The following EML6 variants were observed in gnomAD, a reference collection of about 807,000 sequenced individuals.
The protein encoded by EML6 is EMAP like 6.
A neutral mutation model predicts 240.1 loss-of-function variants in EML6; 154 were observed. That is an observed-to-expected ratio of 0.64 (90% confidence interval 0.56 to 0.73). The LOEUF is 0.73. Among genes scored for constraint, EML6 ranks in the 30% least tolerant of loss-of-function variants. The pLI is 0.00. For missense variants in EML6, 2,964 were observed against 2,474.6 expected (o/e 1.20, Z -4.20); for synonymous variants, 1,148 against 899.0 (o/e 1.28, Z -4.95).
chr2:54,832,005 G>T (rs1668892879), intron 7 of EML6, among the ~76,000 whole-genome samples: 1 of 152,010 alleles, frequency 6.6e-6, no homozygotes, highest in African/African-American at 2.4e-5. Context: ...AATATGCTGG[G>T]GTTTAATTTT....
chr2:54,871,004 T>C (rs1027312229), intron 15 of EML6, among the ~76,000 whole-genome samples: 5 of 152,226 alleles, frequency 3.3e-5, no homozygotes, highest in African/African-American at 1.2e-4. Context: ...CCTGCAAAGA[T>C]AATCCACCTT....
rs755907861 is a variant in EML6 at position 54,871,658 on chromosome 2, C to CAG, written c.2344+60_2344+61dup. On this transcript the variant is annotated intron_variant, in intron 16 of 41. Transcript: ENST00000356458. ...TTCTACGTTGAGAGAGAGAGAGACA[C>CAG]AGAGAGAGTATGCCCCGCGCATGCG... The CAG allele has an allele frequency of 2.6e-5, 34 of 1,291,450 alleles. No individual in the cohort carries two copies. In the East Asian group the frequency reaches 8.1e-4, roughly 31 times the overall value. The allele number at this position is 1,291,450 out of a possible 1,614,324, so 80.0% of individuals were successfully genotyped here.
At chr2:54,959,536 C>A (rs549968536) in intron 34 of EML6, among the ~76,000 whole-genome samples, 8 of 152,162 alleles carry the variant, frequency 5.3e-5, no homozygotes, top group African/African-American at 1.9e-4. Context: ...CCAAGGTGGG[C>A]AGATCACCTG....
intron 9 of EML6, 34 bp from the exon 10 acceptor site, chr2:54,849,928 T>C (rs1441728276): frequency 1.1e-5 from 17 of 1,527,332 alleles, no homozygotes; most frequent in Middle Eastern, 3.5e-4. Context: ...ATTTGTAGAA[T>C]TGCTGCTTAT....
intron 24 of EML6, among the ~76,000 whole-genome samples, chr2:54,906,527 C>T (rs1673337283): frequency 6.6e-6 from 1 of 152,102 alleles, no homozygotes; most frequent in Admixed American, 6.5e-5. Context: ...GAGGGAGGCT[C>T]CTGGGAATGA....
At chr2:54,880,426 C>A (rs1233539710) in intron 17 of EML6, 1 of 152,158 alleles carries the variant, frequency 6.6e-6, no homozygotes. Context: ...AGCCTTGAAC[C>A]CCAATATTCA....
intron 17 of EML6, chr2:54,882,871 A>AAAAAAAAAAAAAAAAAAAAAAAAAAAAG (rs962733331): frequency 4.7e-5 from 6 of 128,832 alleles, no homozygotes; most frequent in Admixed American, 8.3e-5. Flanking sequence ...AAAAAAAAAA[A>AAAAAAAAAAAAAAAAAAAAAAAAAAAAG]AAAGAAAGCT....
chr2:54,836,563 G>A (rs1459618821), intron 7 of EML6, among the ~76,000 whole-genome samples: 1 of 152,088 alleles, frequency 6.6e-6, no homozygotes, highest in African/African-American at 2.4e-5. Flanking sequence ...CCCAGCTCAG[G>A]GTCAGTGCTG....
intron 5 of EML6, among the ~76,000 whole-genome samples, chr2:54,826,151 T>G (rs1046371858): frequency 3.3e-5 from 5 of 152,214 alleles, no homozygotes; most frequent in Non-Finnish European, 2.9e-5. Context: ...CTAACCCCAT[T>G]GAACCCTTAT....
chr2:54,965,283 T>G (rs2104549693), intron 38 of EML6, among the ~76,000 whole-genome samples: 1 of 152,358 alleles, frequency 6.6e-6, no homozygotes, highest in African/African-American at 2.4e-5. Flanking sequence ...GTTTGTGAGC[T>G]GGCCTGGAGC....
chr2:54,823,144 C>A, intron 5 of EML6, among the ~76,000 whole-genome samples: 1 of 152,124 alleles, frequency 6.6e-6, no homozygotes, highest in East Asian at 1.9e-4. Flanking sequence ...GAAGTTTAGC[C>A]ATTAAAACAT....
At chr2:54,945,842 T>G (rs540209809) in intron 28 of EML6, among the ~76,000 whole-genome samples, 1 of 152,346 alleles carries the variant, frequency 6.6e-6, no homozygotes, top group African/African-American at 2.4e-5. Context: ...AAGCTTTCTC[T>G]TCAGCAGCCC....
chr2:54,825,407 T>C (rs1668538223), intron 5 of EML6, among the ~76,000 whole-genome samples: 2 of 152,144 alleles, frequency 1.3e-5, no homozygotes, highest in South Asian at 4.1e-4. Context: ...AAAACTTTAT[T>C]ACAGGTGTGT....
Position 54,914,810 on chromosome 2 carries a change from T to C in EML6, c.3499-1949T>C, listed in dbSNP as rs552443439. Among the ~76,000 whole-genome samples the C allele has an allele frequency of 7.9e-4, 121 of 152,262 alleles. 2 individuals are homozygous for C. Among genetic ancestry groups the C allele is most frequent in the African/African-American group, 2.9e-3 (119 of 41,528 alleles). The stretch of plus-strand genomic sequence containing the variant: ...AATTTTTTTTTTTAAGAAACAATCA[T>C]GGTAAACTAATAAAAAGCTTACCCA... On this transcript the variant is annotated intron_variant, in intron 25 of 41. Coordinates refer to ENST00000356458, the MANE Select transcript of EML6 (RefSeq NM_001039753.4).
At chr2:54,887,268 C>G (rs760003816) in intron 17 of EML6, among the ~76,000 whole-genome samples, 1 of 152,198 alleles carries the variant, frequency 6.6e-6, no homozygotes, top group Non-Finnish European at 1.5e-5. Context: ...AAATTGGTTA[C>G]TTAGTTCAGG....
At chr2:54,817,036 A>G (rs1335089594) in intron 4 of EML6, among the ~76,000 whole-genome samples, 151 bp downstream of exon 4, 1 of 152,204 alleles carries the variant, frequency 6.6e-6, no homozygotes, top group African/African-American at 2.4e-5. Flanking sequence ...TTCATGATTA[A>G]TAGCTAACTG....
intron 2 of EML6, among the ~76,000 whole-genome samples, chr2:54,743,400 A>T (rs922161243): frequency 2.0e-5 from 3 of 152,260 alleles, no homozygotes; most frequent in Non-Finnish European, 4.4e-5. Context: ...CAATGTTGTA[A>T]CAAGACAATG....
intron 2 of EML6, among the ~76,000 whole-genome samples, chr2:54,791,587 T>A (rs561760136): frequency 3.3e-4 from 51 of 152,298 alleles, no homozygotes; most frequent in Middle Eastern, 6.8e-3. Flanking sequence ...ATGGCTGAGG[T>A]ACTATAATAA....
chr2:54,853,748 A>AG lies in EML6; in HGVS notation c.1552dup (p.Val518GlyfsTer3). 6.4e-7 allele frequency: 1 copy of AG among 1,551,656 alleles called. No homozygotes were observed. Among genetic ancestry groups the AG allele is most frequent in the South Asian group, 1.2e-5 (1 of 84,066 alleles). ...AGTGGAATTTGGCCCAAATACACTG[A>AG]GGTTACTGACATCAACTCAGTGGAT... On this transcript the variant is annotated frameshift_variant, in exon 11 of 42. Transcript: ENST00000356458. LOFTEE classifies it high-confidence loss of function.
Sources: allele counts gnomAD v4.1 joint callset (sites outside exome capture counted in the v4.1 genomes callset), GRCh38; gene constraint gnomAD v4.1.1; transcripts MANE v1.5; gene names NCBI Gene and HGNC (gene_info 2026-07-23, HGNC 2026-07-21).